ZNRF3: variants seen among roughly 807,000 people sequenced by gnomAD.
ZNRF3 encodes the protein E3 ubiquitin-protein ligase ZNRF3.
Under a neutral mutation model 72.5 loss-of-function variants are expected in ZNRF3, and 23 were observed. The observed-to-expected ratio is 0.32, with a 90% CI of 0.23 to 0.45. The LOEUF is 0.45. Ranked by LOEUF, ZNRF3 falls within the 20% of genes least tolerant of loss-of-function variation. The pLI, the probability that ZNRF3 is intolerant of heterozygous loss-of-function variation, is 1.00. For missense variants in ZNRF3, 1,169 were observed against 1,272.1 expected (o/e 0.92, Z 1.23); for synonymous variants, 610 against 545.3 (o/e 1.12, Z -1.65).
At chr22:28,971,386 A>T (rs1482150125) in intron 1 of ZNRF3, among the ~76,000 whole-genome samples, 1 of 152,152 alleles carries the variant, frequency 6.6e-6, no homozygotes, top group Non-Finnish European at 1.5e-5. Flanking sequence ...TTGATGAAGA[A>T]AAAAGGGAAC....
chr22:29,035,755 A>T (rs747726635), intron 2 of ZNRF3, among the ~76,000 whole-genome samples: 23 of 150,466 alleles, frequency 1.5e-4, no homozygotes, highest in Admixed American at 1.5e-3. Flanking sequence ...TTTTTTTTTT[A>T]TTTTATTAGA....
chr22:29,056,351 TC>T lies in ZNRF3; in HGVS notation c.*2730del, dbSNP rs1339664576. On this transcript the variant is annotated 3_prime_UTR_variant, in exon 9 of 9. Transcript: ENST00000544604. ...CCCGACCTCAGGTGATCCGCCCACCTCGGCCTCCCAAAGTGCTGGGATTACA... is the reference window on the plus strand; with the variant it reads ...CCCGACCTCAGGTGATCCGCCCACCTGGCCTCCCAAAGTGCTGGGATTACA... 1 of 152,180 alleles carries T rather than the reference TC, an allele frequency of 6.6e-6. No individual in the cohort carries two copies. The highest frequency in any genetic ancestry group is 2.4e-5 in the African/African-American group (1 of 41,428). The allele number at this position is 152,180 out of a possible 1,614,324, so 9.4% of individuals were successfully genotyped here. A position where few individuals can be genotyped will look rare whatever the true frequency, so the allele number is the denominator to read the frequency against.
At chr22:29,018,665 A>G (rs2036478094) in intron 2 of ZNRF3, 1 of 152,418 alleles carries the variant, frequency 6.6e-6, no homozygotes, top group Non-Finnish European at 1.5e-5. Context: ...ACCATGTAAG[A>G]GTCAGTGAAG....
chr22:28,978,324 C>T (rs1403996634), intron 1 of ZNRF3, among the ~76,000 whole-genome samples: 3 of 152,200 alleles, frequency 2.0e-5, no homozygotes, highest in Admixed American at 6.5e-5. Flanking sequence ...ATCTATATCA[C>T]ACTCTGATGC....
Position 28,889,114 on chromosome 22 carries a change from C to CA in ZNRF3, c.300+5058dup, listed in dbSNP as rs577070744. On this transcript the variant is annotated intron_variant, in intron 1 of 8. Coordinates refer to ENST00000544604, the MANE Select transcript of ZNRF3 (RefSeq NM_001206998.2). ...TGGGTGACAGAGCGAGACCCCGTCT[C>CA]AAAAAAAAAAGAAACCCAGGTCTGC... Among the ~76,000 whole-genome samples the CA allele has an allele frequency of 9.6e-3, 1,378 of 143,498 alleles. 7 individuals carry two copies. Among genetic ancestry groups the CA allele is most frequent in the African/African-American group, 0.016 (633 of 38,948 alleles). The allele number at this position is 143,498 out of a possible 152,430, so 94.1% of individuals were successfully genotyped here. A position where few individuals can be genotyped will look rare whatever the true frequency, so the allele number is the denominator to read the frequency against.
chr22:28,977,672 G>A (rs1238362206), intron 1 of ZNRF3, among the ~76,000 whole-genome samples: 1 of 152,204 alleles, frequency 6.6e-6, no homozygotes, highest in Non-Finnish European at 1.5e-5. Context: ...AGAGTGAAAT[G>A]TCTCGTCCTC....
intron 1 of ZNRF3, among the ~76,000 whole-genome samples, chr22:28,963,552 A>G (rs1281912098): frequency 6.6e-6 from 1 of 152,230 alleles, no homozygotes; most frequent in African/African-American, 2.4e-5. Context: ...GACCTTGGGC[A>G]AGTGGCATAA....
At chr22:28,978,314 A>G (rs976047330) in intron 1 of ZNRF3, among the ~76,000 whole-genome samples, 1 of 152,108 alleles carries the variant, frequency 6.6e-6, no homozygotes, top group African/African-American at 2.4e-5. Context: ...TAACACCCAA[A>G]TCTATATCAC....
chr22:28,937,011 G>C (rs972825588), intron 1 of ZNRF3, among the ~76,000 whole-genome samples: 7 of 151,774 alleles, frequency 4.6e-5, no homozygotes, highest in Non-Finnish European at 8.8e-5. Flanking sequence ...AGCTGCTACT[G>C]CATACAGGTT....
At chr22:28,902,910 A>G (rs2034134233) in intron 1 of ZNRF3, among the ~76,000 whole-genome samples, 2 of 152,230 alleles carry the variant, frequency 1.3e-5, no homozygotes, top group South Asian at 4.1e-4. Context: ...TTATTCTAAA[A>G]TGGTAGCTTA....
chr22:28,941,874 G>A (rs975333471), intron 1 of ZNRF3, among the ~76,000 whole-genome samples: 1 of 152,216 alleles, frequency 6.6e-6, no homozygotes, highest in African/African-American at 2.4e-5. Context: ...AGAATCTCTT[G>A]AACCCGGGAG....
chr22:28,892,606 T>A (rs2033910551), intron 1 of ZNRF3, among the ~76,000 whole-genome samples: 6 of 152,218 alleles, frequency 3.9e-5, no homozygotes, highest in African/African-American at 1.2e-4. Flanking sequence ...TTTCAGTGGC[T>A]CTGTTTACTC....
intron 1 of ZNRF3, among the ~76,000 whole-genome samples, chr22:28,944,424 C>T (rs998382161): frequency 1.3e-5 from 2 of 151,658 alleles, no homozygotes; most frequent in African/African-American, 2.4e-5. Context: ...AGATTGAGAC[C>T]ATCCTGGCTA....
chr22:28,906,380 T>A (rs1160815347), intron 1 of ZNRF3, among the ~76,000 whole-genome samples: 2 of 152,138 alleles, frequency 1.3e-5, no homozygotes, highest in African/African-American at 4.8e-5. Context: ...TTGTGAGAGT[T>A]CAGAGCTGAC....
At chr22:28,932,375 A>G (rs2034722244) in intron 1 of ZNRF3, among the ~76,000 whole-genome samples, 1 of 152,168 alleles carries the variant, frequency 6.6e-6, no homozygotes, top group Admixed American at 6.5e-5. Flanking sequence ...ATCTTTGATC[A>G]GTGATCCGCA....
chr22:28,887,147 C>T (rs1366350382), intron 1 of ZNRF3, among the ~76,000 whole-genome samples: 1 of 151,602 alleles, frequency 6.6e-6, no homozygotes, highest in Non-Finnish European at 1.5e-5. Context: ...GGAGTGTCAC[C>T]TTTAAGAATT....
intron 1 of ZNRF3, among the ~76,000 whole-genome samples, chr22:28,974,215 A>G (rs58089713): frequency 0.02 from 3,065 of 151,724 alleles, 105 homozygotes; most frequent in African/African-American, 0.067. Flanking sequence ...CCTGCCTCGG[A>G]CTCCCAAAGT....
rs1315308506 is a variant in ZNRF3 at position 28,883,964 on chromosome 22, C to T, written c.198C>T (p.Phe66=). Residue 66 remains phenylalanine, a synonymous_variant, in exon 1 of 9, where the codon TTC becomes TTT. Coordinates refer to ENST00000544604, the MANE Select transcript of ZNRF3 (RefSeq NM_001206998.2). This position sits in a 1 kb window ranked among gnomAD's most constrained non-coding sequence, Gnocchi z 5.5. ...KETAFVEVVL[F]ESSPSGDYTT... is the part of the protein sequence containing the mutation. ...CGGCGTTCGTGGAGGTGGTGCTGTT[C>T]GAGTCGAGCCCAAGCGGCGATTACA... The T allele has an allele frequency of 3.1e-6, 4 of 1,297,778 alleles. No individual in the cohort carries two copies. Among genetic ancestry groups the T allele is most frequent in the East Asian group, 4.8e-5 (1 of 20,892 alleles). The allele number at this position is 1,297,778 out of a possible 1,614,324, so 80.4% of individuals were successfully genotyped here. A position where few individuals can be genotyped will look rare whatever the true frequency, so the allele number is the denominator to read the frequency against.
At chr22:28,927,223 G>A (rs2034618773) in intron 1 of ZNRF3, among the ~76,000 whole-genome samples, 1 of 152,172 alleles carries the variant, frequency 6.6e-6, no homozygotes, top group Non-Finnish European at 1.5e-5. Flanking sequence ...TATCTGAAAT[G>A]TTAACGCTTT....
Sources: allele counts gnomAD v4.1 joint callset (sites outside exome capture counted in the v4.1 genomes callset), GRCh38; gene constraint gnomAD v4.1.1; non-coding constraint Gnocchi (gnomAD v3.1); transcripts MANE v1.5; gene names NCBI Gene and HGNC (gene_info 2026-07-23, HGNC 2026-07-21).